The following MAGI2 variants were observed in gnomAD, a reference collection of about 807,000 sequenced individuals.
The protein encoded by MAGI2 is membrane associated guanylate kinase, WW and PDZ domain containing 2.
A neutral mutation model predicts 133.3 loss-of-function variants in MAGI2; 35 were observed. That is an observed-to-expected ratio of 0.26 (90% CI 0.20 to 0.35). The LOEUF is 0.35. Among genes scored for constraint, MAGI2 ranks in the 10% least tolerant of loss-of-function variants. MAGI2 has a pLI of 1.00. For synonymous variants in MAGI2, 729 were observed against 710.6 expected (o/e 1.03, Z -0.41); for missense variants, 1,636 against 1,863.4 (o/e 0.88, Z 2.25).
chr7:78,146,624 T>A (rs1347606927), intron 16 of MAGI2, among the ~76,000 whole-genome samples: 1 of 152,164 alleles, frequency 6.6e-6, no homozygotes, highest in Non-Finnish European at 1.5e-5. Context: ...GTTAAAAATG[T>A]TCAATAAAAC....
intron 21 of MAGI2, among the ~76,000 whole-genome samples, chr7:78,032,123 G>T (rs750860906): frequency 6.6e-6 from 1 of 151,022 alleles, no homozygotes. Flanking sequence ...TTTCAGCAAG[G>T]ATATCCTTGC....
At chr7:78,048,933 C>T (rs1273832075) in intron 21 of MAGI2, among the ~76,000 whole-genome samples, 1 of 133,634 alleles carries the variant, frequency 7.5e-6, no homozygotes, top group Non-Finnish European at 1.6e-5. Flanking sequence ...ATGGTGAAAC[C>T]CGTCTCTACT....
chr7:79,003,500 A>T (rs1807105449), intron 2 of MAGI2, among the ~76,000 whole-genome samples: 1 of 152,352 alleles, frequency 6.6e-6, no homozygotes, highest in East Asian at 1.9e-4. Flanking sequence ...GTATAAGAGC[A>T]ATGATATAGT....
At chr7:79,320,247 A>G (rs2129561558) in intron 1 of MAGI2, among the ~76,000 whole-genome samples, 1 of 152,292 alleles carries the variant, frequency 6.6e-6, no homozygotes, top group South Asian at 2.1e-4. Context: ...ACACACAAAG[A>G]ATACACATAA....
chr7:78,529,775 C>T (rs1162181156), intron 3 of MAGI2, among the ~76,000 whole-genome samples: 1 of 142,014 alleles, frequency 7.0e-6, no homozygotes, highest in African/African-American at 2.6e-5. Flanking sequence ...CCTTGGTCTC[C>T]CAAAGCACTG....
chr7:78,322,320 T>C (rs1371367837), intron 9 of MAGI2, among the ~76,000 whole-genome samples: 4 of 152,202 alleles, frequency 2.6e-5, no homozygotes, highest in African/African-American at 9.7e-5. Flanking sequence ...CATATGTTTA[T>C]TGCGGCACTA....
intron 2 of MAGI2, among the ~76,000 whole-genome samples, chr7:78,848,764 G>T (rs1458732033): frequency 1.3e-5 from 2 of 151,888 alleles, no homozygotes; most frequent in African/African-American, 4.8e-5. Context: ...TGACACTAAG[G>T]TCTCTGCCAA....
chr7:78,321,419 G>C (rs1787992261), intron 9 of MAGI2, among the ~76,000 whole-genome samples: 1 of 152,124 alleles, frequency 6.6e-6, no homozygotes. Flanking sequence ...TACCAAAACA[G>C]AGATATAGAC....
intron 3 of MAGI2, among the ~76,000 whole-genome samples, chr7:78,563,711 C>T (rs1437250792): frequency 6.6e-6 from 1 of 152,192 alleles, no homozygotes; most frequent in Non-Finnish European, 1.5e-5. Flanking sequence ...TGCCCATGTG[C>T]TTTTCCATAT....
intron 10 of MAGI2, among the ~76,000 whole-genome samples, chr7:78,228,093 T>G (rs1481893342): frequency 6.6e-6 from 1 of 152,232 alleles, no homozygotes; most frequent in Non-Finnish European, 1.5e-5. Context: ...TAACATTTTA[T>G]GGACATTGAA....
intron 10 of MAGI2, among the ~76,000 whole-genome samples, chr7:78,201,966 CA>C (rs1454831882): frequency 5.9e-5 from 9 of 152,220 alleles, no homozygotes; most frequent in Admixed American, 3.9e-4. Flanking sequence ...ATTATTTTAG[CA>C]TATGAAATCA....
At chr7:78,833,442 A>G (rs1233314888) in intron 2 of MAGI2, among the ~76,000 whole-genome samples, 3 of 152,124 alleles carry the variant, frequency 2.0e-5, no homozygotes, top group Non-Finnish European at 4.4e-5. Context: ...AGCTTTCACT[A>G]TCTTGTGTGT....
At chr7:78,701,006 T>A (rs1818013570) in intron 2 of MAGI2, among the ~76,000 whole-genome samples, 1 of 150,886 alleles carries the variant, frequency 6.6e-6, no homozygotes, top group Non-Finnish European at 1.5e-5. Flanking sequence ...TAAATTTTAA[T>A]ATAAATATCT....
At chr7:79,383,594 A>C in intron 1 of MAGI2, among the ~76,000 whole-genome samples, 1 of 151,706 alleles carries the variant, frequency 6.6e-6, no homozygotes, top group Middle Eastern at 3.4e-3. Context: ...TGTAATGTTC[A>C]CATACCACAA....
intron 1 of MAGI2, among the ~76,000 whole-genome samples, chr7:79,403,930 G>T (rs914075156): frequency 6.6e-6 from 1 of 152,156 alleles, no homozygotes; most frequent in South Asian, 2.1e-4. Context: ...GAAACCTGCA[G>T]CATTTTGGCA....
At chr7:79,059,087 C>T (rs891340343) in intron 1 of MAGI2, among the ~76,000 whole-genome samples, 12 of 151,812 alleles carry the variant, frequency 7.9e-5, no homozygotes, top group South Asian at 2.1e-4. Context: ...TTACCTTTAA[C>T]GGCAAAAACT....
chr7:78,200,460 T>C (rs559332234), intron 11 of MAGI2, among the ~76,000 whole-genome samples: 1 of 152,294 alleles, frequency 6.6e-6, no homozygotes, highest in South Asian at 2.1e-4. Context: ...GGTCAGATGA[T>C]GGTAGAGATC....
At chr7:79,341,692 G>A (rs1470996465) in intron 1 of MAGI2, among the ~76,000 whole-genome samples, 1 of 152,166 alleles carries the variant, frequency 6.6e-6, no homozygotes, top group Admixed American at 6.5e-5. Flanking sequence ...AGACCAGGAT[G>A]GGGATCCTAT....
At chr7:78,300,734 A>G (rs1423527327) in intron 9 of MAGI2, among the ~76,000 whole-genome samples, 1 of 152,254 alleles carries the variant, frequency 6.6e-6, no homozygotes, top group African/African-American at 2.4e-5. Context: ...AATATTTTAC[A>G]TGGAAATCCT....
Sources: gnomAD v4.1 joint callset for allele counts (sites outside exome capture counted in the v4.1 genomes callset) on GRCh38, gnomAD v4.1.1 for gene constraint, MANE v1.5 for transcripts, NCBI Gene and HGNC (gene_info 2026-07-23, HGNC 2026-07-21) for gene names.